The following CTNNA3 variants were observed in gnomAD, a reference collection of about 807,000 sequenced individuals.
The protein encoded by CTNNA3 is catenin alpha 3, also known as catenin alpha-3.
A neutral mutation model predicts 95.7 loss-of-function variants in CTNNA3; 76 were observed. The ratio of observed to expected loss-of-function variants is 0.79; its 90% CI spans 0.66 to 0.96. The LOEUF (loss-of-function observed/expected upper bound fraction) is 0.96, where lower values mean the gene tolerates loss of function less well. CTNNA3 is among the 40% of genes least tolerant of loss of function. The pLI is 0.00. For missense variants in CTNNA3, 1,191 were observed against 1,089.8 expected (o/e 1.09, Z -1.31); for synonymous variants, 431 against 374.4 (o/e 1.15, Z -1.74).
intron 9 of CTNNA3, among the ~76,000 whole-genome samples, chr10:66,765,434 G>A (rs954368138): frequency 1.3e-5 from 2 of 152,020 alleles, no homozygotes; most frequent in Non-Finnish European, 2.9e-5. Flanking sequence ...GTAGACACCA[G>A]CCATGAACAA....
At chr10:66,910,234 G>C (rs184636340) in intron 7 of CTNNA3, among the ~76,000 whole-genome samples, 120 of 152,306 alleles carry the variant, frequency 7.9e-4, no homozygotes, top group African/African-American at 2.4e-3. Context: ...AATACTTACA[G>C]TGTGGCTGTA....
At position 67,279,111 on chromosome 10, in the gene CTNNA3, G is replaced by A. The variant is rs143758029; in HGVS notation, c.580-59241C>T. On this transcript the variant is annotated intron_variant, in intron 5 of 17. Transcript: ENST00000433211. Reference sequence around the variant, plus strand: ...GCAGTAATCAGAAAAACTGACATATGGGATCCATACTAAATAAGTGACATT... The same window carrying A: ...GCAGTAATCAGAAAAACTGACATATAGGATCCATACTAAATAAGTGACATT... 4.7e-3 allele frequency among the ~76,000 whole-genome samples: 716 copies of A among 152,146 alleles called. 7 individuals are homozygous for A. The highest frequency in any genetic ancestry group is 0.016 in the African/African-American group (678 of 41,510).
At chr10:66,431,459 T>C (rs35213302) in intron 11 of CTNNA3, among the ~76,000 whole-genome samples, 40,136 of 151,664 alleles carry the variant, frequency 0.26, 5,451 homozygotes, top group South Asian at 0.39. Context: ...ATGTTTATTG[T>C]GGCACTATTC....
At chr10:67,054,000 C>T (rs575037129) in intron 7 of CTNNA3, among the ~76,000 whole-genome samples, 19 of 152,254 alleles carry the variant, frequency 1.2e-4, no homozygotes, top group African/African-American at 3.9e-4. Flanking sequence ...CTCCCCTACA[C>T]GATATCTCTA....
chr10:67,699,734 C>T (rs1841019324), upstream of CTNNA3, among the ~76,000 whole-genome samples: 1 of 152,156 alleles, frequency 6.6e-6, no homozygotes, highest in African/African-American at 2.4e-5. Flanking sequence ...ATCTGAGGTA[C>T]CAGGTTCATC....
chr10:67,708,400 C>A (rs1354755233), intron 1 of CTNNA3, among the ~76,000 whole-genome samples: 1 of 152,124 alleles, frequency 6.6e-6, no homozygotes, highest in Non-Finnish European at 1.5e-5. Context: ...ACCAGACCAT[C>A]TTGTATTGAT....
intron 9 of CTNNA3, among the ~76,000 whole-genome samples, chr10:66,692,156 A>C (rs1279530106): frequency 1.3e-5 from 2 of 152,170 alleles, no homozygotes; most frequent in Non-Finnish European, 2.9e-5. Flanking sequence ...CAGATGATCA[A>C]ACTACTCCGA....
rs539694874 is a variant in CTNNA3, at chr10:66,549,199, T to C, written c.1375-28426A>G. On this transcript the variant is annotated intron_variant, in intron 10 of 17. Transcript: ENST00000433211. ...TTAGTAGAGATAGGGTTTCACCTTG[T>C]TAGCCAGGATGCTCTCCATCTCCTG... Among the ~76,000 whole-genome samples the C allele has an allele frequency of 9.3e-4, 141 of 151,996 alleles. 2 individuals are homozygous for C. In the Middle Eastern group the frequency reaches 0.014, roughly 15 times the overall value.
chr10:66,293,378 T>A (rs1434176323), intron 12 of CTNNA3, among the ~76,000 whole-genome samples: 1 of 151,982 alleles, frequency 6.6e-6, no homozygotes, highest in Admixed American at 6.6e-5. Context: ...TTCAGAGACA[T>A]TAAAATGAGA....
chr10:66,231,887 A>C (rs961435966), intron 13 of CTNNA3, among the ~76,000 whole-genome samples: 2 of 151,914 alleles, frequency 1.3e-5, no homozygotes, highest in Non-Finnish European at 2.9e-5. Flanking sequence ...CCTCCTCCTT[A>C]CTCTCTGATT....
At chr10:67,180,927 G>C (rs565600553) in intron 6 of CTNNA3, among the ~76,000 whole-genome samples, 7 of 152,258 alleles carry the variant, frequency 4.6e-5, no homozygotes, top group African/African-American at 1.4e-4. Flanking sequence ...AACTTTTATA[G>C]ACTGCACTGT....
At chr10:66,114,283 TTAAAA>T (rs2082232032) in intron 13 of CTNNA3, among the ~76,000 whole-genome samples, 1 of 152,140 alleles carries the variant, frequency 6.6e-6, no homozygotes, top group African/African-American at 2.4e-5. Flanking sequence ...TCTATAGATA[TTAAAA>T]TAAGAGTTTC....
chr10:66,821,422 T>A (rs539887578), intron 7 of CTNNA3, among the ~76,000 whole-genome samples: 7 of 152,068 alleles, frequency 4.6e-5, no homozygotes, highest in African/African-American at 1.7e-4. Context: ...AAACAAGCAG[T>A]GGAATTTAAT....
chr10:66,973,812 T>TG (rs1400172650), intron 7 of CTNNA3, among the ~76,000 whole-genome samples: 1 of 152,196 alleles, frequency 6.6e-6, no homozygotes, highest in East Asian at 1.9e-4. Flanking sequence ...TTTACTGAGA[T>TG]GGGGTTTCAC....
Position 66,263,522 on chromosome 10 carries a change from C to T in CTNNA3, c.1884+16948G>A, listed in dbSNP as rs188217834. ...AGTCATTGTCAGGGTATCAGAGTATCTTTTGTTTTCCTTTATTATATTGTA... is the reference window on the plus strand; with the variant it reads ...AGTCATTGTCAGGGTATCAGAGTATTTTTTGTTTTCCTTTATTATATTGTA... On this transcript the variant is annotated intron_variant, in intron 13 of 17. Transcript: ENST00000433211. Among the ~76,000 whole-genome samples the T allele has an allele frequency of 5.4e-3, 816 of 152,052 alleles. 2 individuals are homozygous for T. Among genetic ancestry groups the T allele is most frequent in the South Asian group, 0.014 (68 of 4,818 alleles).
At chr10:67,394,848 C>T (rs558361416) in intron 5 of CTNNA3, among the ~76,000 whole-genome samples, 2 of 151,936 alleles carry the variant, frequency 1.3e-5, no homozygotes, top group South Asian at 4.2e-4. Context: ...ACATCATAGG[C>T]AAAGAACTGA....
intron 1 of CTNNA3, among the ~76,000 whole-genome samples, chr10:67,736,934 AAG>A (rs2133636986): frequency 6.6e-6 from 1 of 152,184 alleles, no homozygotes; most frequent in African/African-American, 2.4e-5. Flanking sequence ...AAATCCAAAA[AAG>A]AAGAAATCAT....
chr10:67,356,965 A>G (rs1842833896), intron 5 of CTNNA3, among the ~76,000 whole-genome samples: 1 of 152,160 alleles, frequency 6.6e-6, no homozygotes, highest in Non-Finnish European at 1.5e-5. Flanking sequence ...AGTTCCTCCC[A>G]GTGATCTTTT....
chr10:66,919,860 T>C (rs868281695), intron 7 of CTNNA3, among the ~76,000 whole-genome samples: 1 of 152,218 alleles, frequency 6.6e-6, no homozygotes, highest in Admixed American at 6.5e-5. Context: ...GGAAACTCTA[T>C]ATTGGCATTC....
Sources: gnomAD v4.1 joint callset for allele counts (sites outside exome capture counted in the v4.1 genomes callset) on GRCh38, gnomAD v4.1.1 for gene constraint, MANE v1.5 for transcripts, NCBI Gene and HGNC (gene_info 2026-07-23, HGNC 2026-07-21) for gene names.